ENPEP: variants seen among roughly 807,000 people sequenced by gnomAD.
The protein encoded by ENPEP is glutamyl aminopeptidase.
ENPEP carries 103 observed loss-of-function variants against 114.5 expected under a neutral mutation model. The observed-to-expected ratio is 0.90, with a 90% CI of 0.77 to 1.06. The LOEUF (loss-of-function observed/expected upper bound fraction) is 1.06, where lower values mean the gene tolerates loss of function less well. Ranked by LOEUF, ENPEP falls within the 50% of genes least tolerant of loss-of-function variation. The pLI is 0.00. For synonymous variants in ENPEP, 420 were observed against 422.0 expected (o/e 1.00, Z 0.06); for missense variants, 1,196 against 1,161.3 (o/e 1.03, Z -0.43).
chr4:110,528,794 C>T (rs988481581), intron 10 of ENPEP, among the ~76,000 whole-genome samples: 1 of 152,120 alleles, frequency 6.6e-6, no homozygotes, highest in East Asian at 1.9e-4. Context: ...ATTAGAGTGG[C>T]CATATTTCAT....
chr4:110,486,388 T>C (rs1378321338), intron 1 of ENPEP, among the ~76,000 whole-genome samples: 1 of 152,196 alleles, frequency 6.6e-6, no homozygotes, highest in Non-Finnish European at 1.5e-5. Context: ...CAAACTTATC[T>C]CTGGCTCCAG....
In ENPEP at chr4:110,546,539, A is replaced by G. The variant is rs115343591; in HGVS notation, c.2001-1637A>G. 3.2e-3 allele frequency among the ~76,000 whole-genome samples: 492 copies of G among 152,030 alleles called. 3 individuals are homozygous for G. Among genetic ancestry groups the G allele is most frequent in the African/African-American group, 0.011 (476 of 41,498 alleles). ...AACAGCTGAAAGGACCACCTAAGCT[A>G]ATGATCTAAGCAGAATTTCAGCCAG... is the stretch of plus-strand genomic sequence containing the variant. On this transcript the variant is annotated intron_variant, in intron 13 of 19. Coordinates refer to ENST00000265162, the MANE Select transcript of ENPEP (RefSeq NM_001977.4).
intron 3 of ENPEP, among the ~76,000 whole-genome samples, chr4:110,492,709 AG>A (rs1395852809): frequency 6.6e-6 from 1 of 152,204 alleles, no homozygotes. Context: ...CATCAGAAAT[AG>A]GAAGTTGTTT....
rs1413436561 is a variant in ENPEP, at chr4:110,520,065, C to A, written c.1567C>A (p.Leu523Met). The change falls in exon 9 of 20, where the codon CTG becomes ATG. Residue 523 changes from leucine to methionine, a missense_variant. Leu to Met is a conservative substitution (Grantham distance 15). Transcript: ENST00000265162. Reference sequence around the variant, plus strand: ...AAAAACTTCTGATTTTTGGGCAGCACTGGAAGAGGTAAGGAAGAGTATATG... The same window carrying A: ...AAAAACTTCTGATTTTTGGGCAGCAATGGAAGAGGTAAGGAAGAGTATATG... ...NAKTSDFWAA[L>M]EEASRLPVKE... 3.7e-6 allele frequency: 6 copies of A among 1,613,936 alleles called. No homozygotes were observed. Among genetic ancestry groups the A allele is most frequent in the Non-Finnish European group, 5.1e-6 (6 of 1,179,844 alleles).
At chr4:110,555,161 T>A (rs1352405561) in intron 18 of ENPEP, among the ~76,000 whole-genome samples, 1 of 152,040 alleles carries the variant, frequency 6.6e-6, no homozygotes, top group East Asian at 1.9e-4. Flanking sequence ...GCTTTAGCAT[T>A]TCTTCATAAT....
chr4:110,519,942 C>A (rs1725920234), intron 8 of ENPEP, 66 bp from the exon 9 acceptor site: 13 of 1,447,402 alleles, frequency 9.0e-6, no homozygotes, highest in South Asian at 1.2e-5. Context: ...GGGTTCAGTT[C>A]ATCTTGTGAA....
At chr4:110,507,058 A>C (rs1018382748) in intron 4 of ENPEP, among the ~76,000 whole-genome samples, 1 of 152,202 alleles carries the variant, frequency 6.6e-6, no homozygotes, top group African/African-American at 2.4e-5. Flanking sequence ...GTAGTGATGG[A>C]GCCACAAATA....
At chr4:110,515,563 A>G in intron 8 of ENPEP, 121 bp downstream of exon 8, 2 of 774,242 alleles carry the variant, frequency 2.6e-6, no homozygotes, top group Non-Finnish European at 4.3e-6. Context: ...TGAGGCATAG[A>G]TAATATAGCA....
chr4:110,483,650 T>G (rs1399224111), intron 1 of ENPEP, among the ~76,000 whole-genome samples: 3 of 152,210 alleles, frequency 2.0e-5, no homozygotes, highest in South Asian at 2.1e-4. Flanking sequence ...GTCTAGTAAG[T>G]GACTTATTAA....
At position 110,513,424 on chromosome 4, in the gene ENPEP, A is replaced by G. The variant is rs956440397; in HGVS notation, c.1318A>G (p.Met440Val). Residue 440 changes from methionine to valine, a missense_variant, in exon 7 of 20, where the codon ATG (methionine) becomes GTG (valine). Met to Val is a conservative substitution (Grantham distance 21). Transcript: ENST00000265162. ...CATTCTTTCATTTCAGCGTGACCAA[A>G]TGTTACTTGAAGATGTATTACCTGT... ...AETDWQMRDQMLLEDVLPVQE... is the reference protein window; with the variant it reads ...AETDWQMRDQVLLEDVLPVQE... The G allele has an allele frequency of 3.1e-6, 5 of 1,611,250 alleles. No individual in the cohort carries two copies. In the African/African-American group the frequency reaches 6.7e-5, roughly 22 times the overall value.
intron 3 of ENPEP, among the ~76,000 whole-genome samples, chr4:110,503,560 C>T (rs553605328): frequency 1.3e-4 from 20 of 152,254 alleles, no homozygotes; most frequent in African/African-American, 4.8e-4. Context: ...TCAGTCGTTT[C>T]AGTCTGGTTA....
At position 110,549,716 on chromosome 4, in the gene ENPEP, C is replaced by G; in HGVS notation, c.2331C>G (p.Ser777Arg). The change falls in exon 17 of 20, where the codon AGC becomes AGG. Residue 777 changes from serine (S) to arginine (R), a missense_variant and splice_region_variant. Physicochemically the swap from Ser to Arg is moderately radical, Grantham distance 110. Transcript: ENST00000265162. ...TCTGAAACACTGTTTCTTCTTCTAG[C>G]CTTCCCGTAAATCTCAGGCTTCTGG... is the stretch of plus-strand genomic sequence containing the variant. Reference protein sequence around the residue: ...LFEQWLNGTVSLPVNLRLLVY... With the variant: ...LFEQWLNGTVRLPVNLRLLVY... 3 of 1,612,770 alleles carry G rather than the reference C, an allele frequency of 1.9e-6. No individual in the cohort carries two copies. The highest frequency in any genetic ancestry group is 2.5e-6 in the Non-Finnish European group (3 of 1,179,362).
rs1458793938 is a variant in ENPEP, at chr4:110,520,350, C to T, written c.1711C>T (p.Pro571Ser). 1.9e-6 allele frequency: 3 copies of T among 1,613,720 alleles called. No homozygotes were observed. In the Admixed American group the frequency reaches 5.0e-5, roughly 27 times the overall value. ...GGACCCAAGAGCTAACCCTTCTCAG[C>T]CCCCTTCAGATCTTGGGTAAGGCTC... ...LLDPRANPSQ[P>S]PSDLGYTWNI... Residue 571 changes from proline to serine, a missense_variant, in exon 10 of 20, where the codon CCC becomes TCC. Transcript: ENST00000265162.
chr4:110,555,619 T>G (rs1051579737), intron 18 of ENPEP, among the ~76,000 whole-genome samples: 14 of 152,036 alleles, frequency 9.2e-5, no homozygotes, highest in Non-Finnish European at 1.8e-4. Flanking sequence ...GAAGTTGAGT[T>G]GACCCAATAA....
intron 8 of ENPEP, among the ~76,000 whole-genome samples, chr4:110,518,804 A>G (rs1369185368): frequency 1.3e-5 from 2 of 152,198 alleles, no homozygotes; most frequent in Non-Finnish European, 1.5e-5. Context: ...AGTCCCTTCC[A>G]GTTCCACGAT....
chr4:110,503,358 G>A (rs373963145), intron 3 of ENPEP, among the ~76,000 whole-genome samples: 8 of 152,148 alleles, frequency 5.3e-5, no homozygotes, highest in Non-Finnish European at 7.3e-5. Context: ...TGAAATTCCT[G>A]TAGTGTGTTT....
chr4:110,525,766 A>G (rs1264252036), intron 10 of ENPEP, among the ~76,000 whole-genome samples: 4 of 152,210 alleles, frequency 2.6e-5, no homozygotes, highest in Non-Finnish European at 5.9e-5. Flanking sequence ...ATCTAAAAAT[A>G]TGTCTCTTGT....
At chr4:110,487,203 C>T (rs1724538558) in intron 1 of ENPEP, among the ~76,000 whole-genome samples, 1 of 152,216 alleles carries the variant, frequency 6.6e-6, no homozygotes, top group Non-Finnish European at 1.5e-5. Flanking sequence ...GACCCCTAAA[C>T]TGTAATTTCT....
intron 13 of ENPEP, among the ~76,000 whole-genome samples, chr4:110,547,953 CCTT>C (rs1227169793): frequency 6.6e-6 from 1 of 151,888 alleles, no homozygotes; most frequent in African/African-American, 2.4e-5. Context: ...CTTTCTTCCT[CCTT>C]ACTATTGAAT....
Sources: gnomAD v4.1 joint callset for allele counts (sites outside exome capture counted in the v4.1 genomes callset) on GRCh38, gnomAD v4.1.1 for gene constraint, MANE v1.5 for transcripts, NCBI Gene and HGNC (gene_info 2026-07-23, HGNC 2026-07-21) for gene names.